Variants in IFT46 observed in about 807,000 individuals in gnomAD.
IFT46 encodes intraflagellar transport 46, also known as intraflagellar transport protein 46 homolog.
Under a neutral mutation model 39.6 loss-of-function variants are expected in IFT46, and 19 were observed. The ratio of observed to expected loss-of-function variants is 0.48; its 90% CI spans 0.33 to 0.70. IFT46 has a LOEUF of 0.70. Among genes scored for constraint, IFT46 ranks in the 30% least tolerant of loss-of-function variants. IFT46 has a pLI of 0.01. For synonymous variants in IFT46, 117 were observed against 134.8 expected (o/e 0.87, Z 0.91); for missense variants, 334 against 364.8 (o/e 0.92, Z 0.69).
chr11:118,552,792 A>T (rs1389136838), intron 7 of IFT46, among the ~76,000 whole-genome samples: 1 of 135,986 alleles, frequency 7.4e-6, no homozygotes, highest in Non-Finnish European at 1.6e-5. Context: ...TCCTGTCTTT[A>T]AAAAAAAAAA....
At chr11:118,556,345 T>C (rs1160249739) in intron 4 of IFT46, among the ~76,000 whole-genome samples, 1 of 151,866 alleles carries the variant, frequency 6.6e-6, no homozygotes, top group Non-Finnish European at 1.5e-5. Context: ...CAAAAAAAAT[T>C]AGCTGGGCGT....
chr11:118,575,405 A>G (rs1938469190), upstream of IFT46, among the ~76,000 whole-genome samples: 1 of 139,726 alleles, frequency 7.2e-6, no homozygotes, highest in Non-Finnish European at 1.5e-5. Context: ...GCAGAAACTG[A>G]TAACGGGTGT....
intron 2 of IFT46, among the ~76,000 whole-genome samples, chr11:118,563,855 A>T (rs1555070988): frequency 1.3e-5 from 2 of 152,038 alleles, no homozygotes; most frequent in Non-Finnish European, 2.9e-5. Context: ...GATCCCTGCC[A>T]TCTATCAGTC....
chr11:118,561,564 A>G (rs11216897), intron 2 of IFT46: 125,784 of 658,214 alleles, frequency 0.19, 15,993 homozygotes, highest in East Asian at 0.5. Flanking sequence ...GCTCAGGAGC[A>G]GGCTGCTGAG....
upstream of IFT46, among the ~76,000 whole-genome samples, chr11:118,575,940 A>T (rs1431048893): frequency 3.3e-5 from 5 of 151,758 alleles, no homozygotes; most frequent in African/African-American, 1.2e-4. Context: ...TGGGTATAAA[A>T]TGGAAGTATT....
At chr11:118,568,812 C>T (rs187162878), upstream of IFT46, among the ~76,000 whole-genome samples, 12 of 151,676 alleles carry the variant, frequency 7.9e-5, no homozygotes, top group East Asian at 2.0e-4. Context: ...TGGGCCACCA[C>T]GCCCAGCTAA....
intron 5 of IFT46, 28 bp downstream of exon 5, chr11:118,555,220 G>C: frequency 6.3e-7 from 1 of 1,588,020 alleles, no homozygotes; most frequent in South Asian, 1.1e-5. Flanking sequence ...AGGGATAGTG[G>C]GGTATGGTGG....
At chr11:118,550,020 C>T (rs1446499485) in intron 9 of IFT46, among the ~76,000 whole-genome samples, 1 of 151,390 alleles carries the variant, frequency 6.6e-6, no homozygotes, top group Non-Finnish European at 1.5e-5. Flanking sequence ...GTGCCCTCCT[C>T]TGCCCCTGGG....
chr11:118,544,775 C>T lies in IFT46; in HGVS notation c.*141G>A, dbSNP rs1951635022. ...AACAAACATGTTCTGTGCCCTCTGG[C>T]AGAGAGGGCAGCAGGACATGCACTG... On this transcript the variant is annotated 3_prime_UTR_variant, in exon 12 of 12. Coordinates refer to ENST00000264021, the MANE Select transcript of IFT46 (RefSeq NM_001168618.2). The T allele has an allele frequency of 4.7e-6, 3 of 641,712 alleles. No individual in the cohort carries two copies. The highest frequency in any genetic ancestry group is 8.4e-6 in the Non-Finnish European group (3 of 356,162). The allele number at this position is 641,712 out of a possible 1,614,324, so 39.8% of individuals were successfully genotyped here.
chr11:118,546,148 CAG>C (rs1313878795), intron 9 of IFT46: 2 of 718,366 alleles, frequency 2.8e-6, no homozygotes, highest in African/African-American at 3.5e-5. Context: ...AGACGCATAA[CAG>C]AGGGAAGACC....
chr11:118,567,096 T>A (rs1187852876), upstream of IFT46, among the ~76,000 whole-genome samples: 1 of 151,774 alleles, frequency 6.6e-6, no homozygotes, highest in South Asian at 2.1e-4. Flanking sequence ...AAAAAAAAAT[T>A]TTTTTTAATT....
chr11:118,559,894 T>C (rs1037719428), intron 2 of IFT46, 30 bp from the exon 3 acceptor site: 88 of 1,249,670 alleles, frequency 7.0e-5, no homozygotes, highest in Non-Finnish European at 8.7e-5. Context: ...CTTTAGATTA[T>C]TGTTAAAATG....
chr11:118,552,659 G>T (rs1413400806), intron 7 of IFT46, among the ~76,000 whole-genome samples: 2 of 152,050 alleles, frequency 1.3e-5, no homozygotes, highest in Non-Finnish European at 2.9e-5. Context: ...CAGGCATGGT[G>T]GTGTGTGCCT....
chr11:118,552,791 TA>T (rs879986858), intron 7 of IFT46, among the ~76,000 whole-genome samples: 461 of 133,908 alleles, frequency 3.4e-3, no homozygotes, highest in Middle Eastern at 7.9e-3. Context: ...ATCCTGTCTT[TA>T]AAAAAAAAAA....
At chr11:118,576,426 T>TAAAAAAAAA (rs10671866), upstream of IFT46, among the ~76,000 whole-genome samples, 41 of 108,732 alleles carry the variant, frequency 3.8e-4, 1 homozygote, top group East Asian at 5.7e-4. Context: ...CCAAAAATGT[T>TAAAAAAAAA]AAAAAAAAAA....
intron 1 of IFT46, among the ~76,000 whole-genome samples, chr11:118,571,580 T>G (rs1555072359): frequency 6.6e-6 from 1 of 152,196 alleles, no homozygotes; most frequent in East Asian, 1.9e-4. Context: ...TCCTAGTGAG[T>G]GTGAAATGAC....
chr11:118,550,133 C>T (rs559613037), intron 9 of IFT46, among the ~76,000 whole-genome samples: 4 of 151,278 alleles, frequency 2.6e-5, no homozygotes, highest in South Asian at 2.1e-4. Flanking sequence ...GATGGGGTTT[C>T]GCCATGTTGG....
chr11:118,545,643 C>T lies in IFT46; in HGVS notation c.734-149G>A, dbSNP rs74421384. On this transcript the variant is annotated intron_variant, in intron 10 of 11. Coordinates refer to ENST00000264021, the MANE Select transcript of IFT46 (RefSeq NM_001168618.2). ...CCAGCAGGTAGTCACATAAGCCAAACACCACCTTTGAGTGCTGCCAAAGAG... is the reference window on the plus strand; with the variant it reads ...CCAGCAGGTAGTCACATAAGCCAAATACCACCTTTGAGTGCTGCCAAAGAG... 1.4e-3 allele frequency: 1,513 copies of T among 1,085,992 alleles called. 2 individuals are homozygous for T. Among genetic ancestry groups the T allele is most frequent in the Middle Eastern group, 2.2e-3 (10 of 4,536 alleles). The allele number at this position is 1,085,992 out of a possible 1,614,324, so 67.3% of individuals were successfully genotyped here. A position where few individuals can be genotyped will look rare whatever the true frequency, so the allele number is the denominator to read the frequency against.
At chr11:118,562,441 A>G (rs1555070742) in intron 2 of IFT46, among the ~76,000 whole-genome samples, 1 of 152,184 alleles carries the variant, frequency 6.6e-6, no homozygotes, top group Non-Finnish European at 1.5e-5. Flanking sequence ...CTCTGTCTCT[A>G]TAAATAAAAA....
Sources: gnomAD v4.1 joint callset for allele counts (sites outside exome capture counted in the v4.1 genomes callset) on GRCh38, gnomAD v4.1.1 for gene constraint, MANE v1.5 for transcripts, NCBI Gene and HGNC (gene_info 2026-07-23, HGNC 2026-07-21) for gene names.